The following NKAIN2 variants were observed in gnomAD, a reference collection of about 807,000 sequenced individuals.
The protein encoded by NKAIN2 is sodium/potassium-transporting ATPase subunit beta-1-interacting protein 2.
NKAIN2 carries 14 observed loss-of-function variants against 32.6 expected under a neutral mutation model. The ratio of observed to expected loss-of-function variants is 0.43; its 90% CI spans 0.28 to 0.67. The LOEUF is 0.67. Ranked by LOEUF, NKAIN2 falls within the 30% of genes least tolerant of loss-of-function variation. The probability of loss-of-function intolerance (pLI) is 0.17; values close to 1 mark genes in which losing one functional copy is unlikely to be tolerated. For missense variants in NKAIN2, 198 were observed against 258.3 expected (o/e 0.77, Z 1.60); for synonymous variants, 80 against 87.2 (o/e 0.92, Z 0.46).
At chr6:124,347,658 G>A (rs1249134515) in intron 2 of NKAIN2, among the ~76,000 whole-genome samples, 2 of 152,030 alleles carry the variant, frequency 1.3e-5, no homozygotes, top group African/African-American at 2.4e-5. Context: ...TCTTCACGTA[G>A]TTCTCGAGCC....
intron 3 of NKAIN2, among the ~76,000 whole-genome samples, chr6:124,369,189 CTA>C (rs1414702013): frequency 3.9e-5 from 6 of 152,142 alleles, no homozygotes; most frequent in African/African-American, 1.4e-4. Context: ...AAAGCCCACT[CTA>C]TGGAAATTAT....
chr6:123,932,843 T>C (rs1776319275), intron 1 of NKAIN2, among the ~76,000 whole-genome samples: 1 of 151,946 alleles, frequency 6.6e-6, no homozygotes, highest in Admixed American at 6.6e-5. Flanking sequence ...TTAGATTTTC[T>C]TTTCCTCTGA....
chr6:124,595,642 A>G lies in NKAIN2; in HGVS notation c.274-62544A>G, dbSNP rs1782056015. Among the ~76,000 whole-genome samples the G allele has an allele frequency of 2.1e-5, 3 of 141,514 alleles. No individual in the cohort carries two copies. The South Asian group carries it at 7.2e-4, about 34-fold the overall frequency. 92.8% of individuals were successfully genotyped at this position (141,514 alleles called of 152,430 possible). A position where few individuals can be genotyped will look rare whatever the true frequency, so the allele number is the denominator to read the frequency against. ...GACAATGTAAAATTCACTTTAACAT[A>G]TATACCTTGGGCAAAGGGATGGGAA... On this transcript the variant is annotated intron_variant, in intron 3 of 6. Coordinates refer to ENST00000368417, the MANE Select transcript of NKAIN2 (RefSeq NM_001040214.3).
chr6:124,786,239 T>C (rs578104918), intron 4 of NKAIN2, among the ~76,000 whole-genome samples: 1 of 152,110 alleles, frequency 6.6e-6, no homozygotes, highest in Non-Finnish European at 1.5e-5. Context: ...TCATGTACTT[T>C]TTTGAGTACC....
intron 1 of NKAIN2, among the ~76,000 whole-genome samples, chr6:124,251,360 A>G (rs1227900878): frequency 6.6e-6 from 1 of 152,046 alleles, no homozygotes. Context: ...TTCTTAGCAT[A>G]AACACTTTTT....
intron 1 of NKAIN2, among the ~76,000 whole-genome samples, chr6:123,826,933 G>A (rs1220324146): frequency 6.6e-6 from 1 of 152,070 alleles, no homozygotes; most frequent in Non-Finnish European, 1.5e-5. Context: ...GTTTCCCATA[G>A]TGGCTGCACC....
intron 1 of NKAIN2, among the ~76,000 whole-genome samples, chr6:124,249,683 C>T (rs1166876806): frequency 6.6e-6 from 1 of 151,916 alleles, no homozygotes; most frequent in Non-Finnish European, 1.5e-5. Flanking sequence ...GAAAGTGGGA[C>T]CCATGGGAGT....
chr6:124,075,120 A>G (rs917584531), intron 1 of NKAIN2, among the ~76,000 whole-genome samples: 10 of 152,180 alleles, frequency 6.6e-5, no homozygotes, highest in Non-Finnish European at 1.2e-4. Flanking sequence ...TATCAGTGTT[A>G]ATAGTATAGT....
intron 3 of NKAIN2, among the ~76,000 whole-genome samples, chr6:124,377,215 A>G (rs1447739730): frequency 6.6e-6 from 1 of 152,222 alleles, no homozygotes; most frequent in Non-Finnish European, 1.5e-5. Flanking sequence ...TTCAGATCTC[A>G]CCATTTACCA....
intron 1 of NKAIN2, among the ~76,000 whole-genome samples, chr6:123,911,809 A>ATATG (rs1775210364): frequency 9.8e-6 from 1 of 102,010 alleles, no homozygotes; most frequent in Non-Finnish European, 1.9e-5. Context: ...ATGTATATAT[A>ATATG]TATACACACA....
At chr6:124,035,376 A>G (rs1781567263) in intron 1 of NKAIN2, among the ~76,000 whole-genome samples, 1 of 152,122 alleles carries the variant, frequency 6.6e-6, no homozygotes, top group Non-Finnish European at 1.5e-5. Flanking sequence ...CAGCCTGCTT[A>G]AGCAAGCCTT....
intron 1 of NKAIN2, among the ~76,000 whole-genome samples, chr6:124,279,089 T>C (rs1795176204): frequency 6.6e-6 from 1 of 152,164 alleles, no homozygotes; most frequent in Non-Finnish European, 1.5e-5. Context: ...GACAGATATA[T>C]GCCTATATGC....
At chr6:124,505,649 C>G (rs1372868121) in intron 3 of NKAIN2, among the ~76,000 whole-genome samples, 2 of 152,016 alleles carry the variant, frequency 1.3e-5, no homozygotes, top group Non-Finnish European at 2.9e-5. Context: ...TTTTTTTAAT[C>G]ACAATACTGC....
chr6:124,743,937 GAAT>G lies in NKAIN2; in HGVS notation c.475-47398_475-47396del, dbSNP rs1194407536. 1.6e-4 allele frequency among the ~76,000 whole-genome samples: 25 copies of G among 151,672 alleles called. No homozygotes were observed. In the East Asian group the frequency reaches 2.7e-3, roughly 17 times the overall value. ...ACAGTTTATTAATTTATAAAATTGT[GAAT>G]AATGACCAAATTATTAATTTCTAAT... On this transcript the variant is annotated intron_variant, in intron 4 of 6. Transcript: ENST00000368417.
chr6:124,529,186 A>G (rs906651029), intron 3 of NKAIN2, among the ~76,000 whole-genome samples: 1 of 152,206 alleles, frequency 6.6e-6, no homozygotes, highest in African/African-American at 2.4e-5. Context: ...AACATTTGAC[A>G]TTGATGTATA....
intron 1 of NKAIN2, among the ~76,000 whole-genome samples, chr6:124,072,749 ATAT>A (rs1783520147): frequency 6.6e-6 from 1 of 152,158 alleles, no homozygotes; most frequent in South Asian, 2.1e-4. Flanking sequence ...TCTTTATGAA[ATAT>A]TATTTTATTC....
chr6:124,419,497 A>C (rs1774649162), intron 3 of NKAIN2, among the ~76,000 whole-genome samples: 1 of 152,160 alleles, frequency 6.6e-6, no homozygotes. Flanking sequence ...CATTGCAGAC[A>C]CTTAGTTACC....
At chr6:124,760,411 T>C (rs1189427031) in intron 4 of NKAIN2, among the ~76,000 whole-genome samples, 1 of 112,506 alleles carries the variant, frequency 8.9e-6, no homozygotes, top group East Asian at 2.9e-4. Context: ...CCCCTGAACA[T>C]AAAAGTTAAA....
At chr6:124,217,024 A>G (rs1791515149) in intron 1 of NKAIN2, among the ~76,000 whole-genome samples, 1 of 152,210 alleles carries the variant, frequency 6.6e-6, no homozygotes, top group Admixed American at 6.6e-5. Context: ...TATAAAATAC[A>G]TAAAGTAGAT....
Sources: allele counts gnomAD v4.1 joint callset (sites outside exome capture counted in the v4.1 genomes callset), GRCh38; gene constraint gnomAD v4.1.1; transcripts MANE v1.5; gene names NCBI Gene and HGNC (gene_info 2026-07-23, HGNC 2026-07-21).